Variants in UTP18 observed in about 807,000 individuals in gnomAD.
UTP18 encodes U3 small nucleolar RNA-associated protein 18 homolog.
In UTP18, 36 loss-of-function variants were observed where a neutral mutation model predicts 61.1. That is an observed-to-expected ratio of 0.59 (90% CI 0.45 to 0.78). The LOEUF is 0.78. UTP18 is among the 30% of genes least tolerant of loss of function. UTP18 has a pLI of 0.00. For synonymous variants in UTP18, 282 were observed against 251.1 expected, an observed-to-expected ratio of 1.12 and a Z score of -1.16; for missense variants, 753 against 693.9, an observed-to-expected ratio of 1.09 and a Z score of -0.96.
intron 5 of UTP18, among the ~76,000 whole-genome samples, chr17:51,275,545 A>G (rs868769238): frequency 6.6e-6 from 1 of 152,284 alleles, no homozygotes; most frequent in African/African-American, 2.4e-5. Flanking sequence ...AAATGGATGT[A>G]TTTTGGGGAA....
At chr17:51,296,895 C>G (rs775467021) in intron 12 of UTP18, 70 bp from the exon 13 acceptor site, 26 of 1,466,158 alleles carry the variant, frequency 1.8e-5, no homozygotes, top group Non-Finnish European at 2.3e-5. Context: ...AAGTGCCCTT[C>G]TGTGATCTAA....
intron 11 of UTP18, among the ~76,000 whole-genome samples, chr17:51,292,008 T>C (rs921735108): frequency 6.6e-5 from 10 of 152,172 alleles, no homozygotes; most frequent in African/African-American, 2.4e-4. Flanking sequence ...GGATCATCTG[T>C]TCATAGTTGG....
intron 11 of UTP18, among the ~76,000 whole-genome samples, chr17:51,293,403 A>G (rs1905281944): frequency 6.6e-6 from 1 of 152,058 alleles, no homozygotes; most frequent in Admixed American, 6.6e-5. Context: ...AAATTATCTG[A>G]TGGGTACAGT....
intron 1 of UTP18, among the ~76,000 whole-genome samples, 157 bp downstream of exon 1, chr17:51,261,083 G>T (rs1439682364): frequency 6.6e-6 from 1 of 152,236 alleles, no homozygotes; most frequent in Non-Finnish European, 1.5e-5. Context: ...CGCAGCTGCG[G>T]GTCCCTCGCC....
At chr17:51,265,289 G>A (rs1351536482) in intron 2 of UTP18, among the ~76,000 whole-genome samples, 1 of 148,200 alleles carries the variant, frequency 6.7e-6, no homozygotes, top group Non-Finnish European at 1.5e-5. Flanking sequence ...TTGAGATGGA[G>A]TTTTGCTCTT....
chr17:51,268,412 G>T (rs1904382321), intron 3 of UTP18, among the ~76,000 whole-genome samples: 1 of 152,214 alleles, frequency 6.6e-6, no homozygotes, highest in Admixed American at 6.5e-5. Flanking sequence ...TTATTCAGAT[G>T]ATATATAATG....
chr17:51,262,532 A>G (rs1366156426), intron 1 of UTP18, among the ~76,000 whole-genome samples: 3 of 152,026 alleles, frequency 2.0e-5, no homozygotes, highest in Non-Finnish European at 4.4e-5. Flanking sequence ...TTAGTCTTCC[A>G]TCTCCCTTTT....
In UTP18 at chr17:51,275,885, C is replaced by A. The variant is rs762888616; in HGVS notation, c.731C>A (p.Ala244Glu). Residue 244 changes from alanine (A) to glutamate (E), a missense_variant, in exon 6 of 14, where the codon GCG becomes GAG. Coordinates refer to ENST00000225298, the MANE Select transcript of UTP18 (RefSeq NM_016001.3). Reference protein sequence around the residue: ...GILKMKNCQHANAERPTVARI... With the variant: ...GILKMKNCQHENAERPTVARI... Reference sequence around the variant, plus strand: ...CTATAGATGAAGAACTGCCAGCATGCGAATGCTGAACGTCCTACTGTTGCT... The same window carrying A: ...CTATAGATGAAGAACTGCCAGCATGAGAATGCTGAACGTCCTACTGTTGCT... 6.2e-7 allele frequency: 1 copy of A among 1,603,994 alleles called. No individual in the cohort carries two copies. The highest frequency in any genetic ancestry group is 1.1e-5 in the South Asian group (1 of 88,792).
intron 1 of UTP18, among the ~76,000 whole-genome samples, chr17:51,262,901 A>G (rs1324806891): frequency 4.6e-5 from 7 of 152,188 alleles, no homozygotes; most frequent in Non-Finnish European, 1.0e-4. Flanking sequence ...AGATTGGGAA[A>G]ATGGAGATAT....
chr17:51,260,785 G>A lies in UTP18; in HGVS notation c.201G>A (p.Glu67=). Residue 67 remains glutamate (E), a synonymous_variant, in exon 1 of 14, where the codon GAG becomes GAA. Transcript: ENST00000225298. ...CTGCGATTGCAGTCGCGGCGGCGGAGGAAGAGAGACGGCTCCGGCAGCGGA... is the reference window on the plus strand; with the variant it reads ...CTGCGATTGCAGTCGCGGCGGCGGAAGAAGAGAGACGGCTCCGGCAGCGGA... ...AAAAIAVAAA[E]EERRLRQRNR... 1.9e-6 allele frequency: 3 copies of A among 1,579,540 alleles called. No homozygotes were observed. The highest frequency in any genetic ancestry group is 2.3e-5 in the South Asian group (2 of 87,470).
In UTP18 at chr17:51,263,290, ACT is replaced by A. The variant is rs2055526487; in HGVS notation, c.361_362del (p.Ser121GlyfsTer2). The A allele has an allele frequency of 1.2e-6, 2 of 1,614,008 alleles. No homozygotes were observed. The highest frequency in any genetic ancestry group is 2.2e-5 in the East Asian group (1 of 44,896). ...CTGCTGTAGGTTCAAGAACATGAAG[ACT>A]CGGGTGACTCAGAAGTGGAGAATGA... is the stretch of plus-strand genomic sequence containing the variant. On this transcript the variant is annotated frameshift_variant, in exon 2 of 14. Transcript: ENST00000225298. LOFTEE classifies it high-confidence loss of function.
At position 51,260,938 on chromosome 17, in the gene UTP18, C is replaced by T. The variant is rs1598469243; in HGVS notation, c.342+12C>T. On this transcript the variant is annotated intron_variant, in intron 1 of 13. Coordinates refer to ENST00000225298, the MANE Select transcript of UTP18 (RefSeq NM_016001.3). ...TGCGAGGCCCGAGGGTGAGGGAGGC[C>T]GCGGCGCGCGGGCTGGGCGCACTCG... 1.3e-6 allele frequency: 2 copies of T among 1,527,932 alleles called. No homozygotes were observed. The highest frequency in any genetic ancestry group is 2.7e-5 in the East Asian group (1 of 36,674). The allele number at this position is 1,527,932 out of a possible 1,614,324, so 94.6% of individuals were successfully genotyped here.
At chr17:51,263,964 T>C (rs2055534050) in intron 2 of UTP18, among the ~76,000 whole-genome samples, 1 of 152,144 alleles carries the variant, frequency 6.6e-6, no homozygotes, top group African/African-American at 2.4e-5. Context: ...ATGGCTATGT[T>C]GGAGTCAATT....
chr17:51,268,708 T>C, intron 3 of UTP18, 129 bp from the exon 4 acceptor site: 1 of 711,414 alleles, frequency 1.4e-6, no homozygotes, highest in South Asian at 1.7e-5. Flanking sequence ...TTCTTAAAGA[T>C]AGTTACTTCT....
chr17:51,283,647 T>C (rs1347812217), intron 9 of UTP18, among the ~76,000 whole-genome samples: 1 of 148,848 alleles, frequency 6.7e-6, no homozygotes, highest in Admixed American at 6.8e-5. Context: ...ACAGCATTGC[T>C]CTGTCTCCTA....
chr17:51,297,663 T>C (rs1331160985), intron 13 of UTP18, 119 bp from the exon 14 acceptor site: 2 of 401,454 alleles, frequency 5.0e-6, no homozygotes, highest in Non-Finnish European at 9.5e-6. Flanking sequence ...GGCAAAGCTT[T>C]AGCAAGGAGG....
chr17:51,279,226 T>G (rs1904831973), intron 7 of UTP18, among the ~76,000 whole-genome samples: 1 of 152,236 alleles, frequency 6.6e-6, no homozygotes, highest in Admixed American at 6.5e-5. Flanking sequence ...TTTCCTTCCT[T>G]GGAGGTAGCC....
rs11397806 is a variant in UTP18, at chr17:51,286,978, TC to T, written c.1329-1043del. Among the ~76,000 whole-genome samples, 7 of 123,524 alleles carry T rather than the reference TC, an allele frequency of 5.7e-5. No homozygotes were observed. In the East Asian group the frequency reaches 1.2e-3, roughly 20 times the overall value. The allele number at this position is 123,524 out of a possible 152,430, so 81.0% of individuals were successfully genotyped here. On this transcript the variant is annotated intron_variant, in intron 10 of 13. Coordinates refer to ENST00000225298, the MANE Select transcript of UTP18 (RefSeq NM_016001.3). ...ATCTCCTAATGCTATCCCTCCCCCT[TC>T]CCCCCCCGACCCACAGGCCCCGGTA...
At chr17:51,286,984 C>G (rs1053234885) in intron 10 of UTP18, among the ~76,000 whole-genome samples, 9 of 145,170 alleles carry the variant, frequency 6.2e-5, no homozygotes, top group South Asian at 4.5e-4. Context: ...CCCTTCCCCC[C>G]CCGACCCACA....
Sources: allele counts gnomAD v4.1 joint callset (sites outside exome capture counted in the v4.1 genomes callset), GRCh38; gene constraint gnomAD v4.1.1; transcripts MANE v1.5; gene names NCBI Gene and HGNC (gene_info 2026-07-23, HGNC 2026-07-21).